The following TWF1 variants were observed in gnomAD, a reference collection of about 807,000 sequenced individuals.
The protein encoded by TWF1 is twinfilin actin binding protein 1.
TWF1 carries 14 observed loss-of-function variants against 47.9 expected under a neutral mutation model. The ratio of observed to expected loss-of-function variants is 0.29; its 90% CI spans 0.19 to 0.46. TWF1 has a LOEUF of 0.46. Ranked by LOEUF, TWF1 falls within the 20% of genes least tolerant of loss-of-function variation. The pLI is 1.00. For missense variants in TWF1, 281 were observed against 409.3 expected (o/e 0.69, Z 2.70); for synonymous variants, 96 against 139.2 (o/e 0.69, Z 2.18).
At chr12:43,801,693 AG>A (rs1942664178) in intron 3 of TWF1, among the ~76,000 whole-genome samples, 1 of 152,146 alleles carries the variant, frequency 6.6e-6, no homozygotes, top group African/African-American at 2.4e-5. Flanking sequence ...AGGGCCAGGC[AG>A]TTTCCTTCAT....
At chr12:43,797,184 T>C (rs888134598) in intron 7 of TWF1, 87 bp from the exon 8 acceptor site, 3 of 1,481,268 alleles carry the variant, frequency 2.0e-6, no homozygotes, top group African/African-American at 2.8e-5. Context: ...TAAAAACAAG[T>C]ACAGAAACTT....
chr12:43,804,314 T>A lies in TWF1; in HGVS notation c.103+181A>T, dbSNP rs113416773. The stretch of plus-strand genomic sequence containing the variant: ...TTCTGTTTCCCTGATAGTCACATAA[T>A]TCAGAATGAAATTAGGGGCCCATAG... On this transcript the variant is annotated intron_variant, in intron 2 of 8. Transcript: ENST00000395510. The A allele has an allele frequency of 1.4e-4, 80 of 591,100 alleles. 1 individual carries two copies. In the African/African-American group the frequency reaches 1.4e-3, roughly 10 times the overall value. 36.6% of individuals were successfully genotyped at this position (591,100 alleles called of 1,614,324 possible).
chr12:43,796,015 TAC>T (rs1057189272), intron 8 of TWF1, among the ~76,000 whole-genome samples: 10 of 152,184 alleles, frequency 6.6e-5, no homozygotes, highest in Admixed American at 6.5e-5. Flanking sequence ...AAGCCACCAC[TAC>T]ATTCTCAAGT....
rs1417371123 is a variant in TWF1 at position 43,802,984 on chromosome 12, A to G, written c.104-520T>C. Among the ~76,000 whole-genome samples, 5 of 152,174 alleles carry G rather than the reference A, an allele frequency of 3.3e-5. No individual in the cohort carries two copies. The East Asian group carries it at 7.7e-4, about 23-fold the overall frequency. The stretch of plus-strand genomic sequence containing the variant: ...GTATAGCCACTTTGAAATGGTATTC[A>G]GCAGAATCAAGTAAAACTGTTAATC... On this transcript the variant is annotated intron_variant, in intron 2 of 8. Coordinates refer to ENST00000395510, the MANE Select transcript of TWF1 (RefSeq NM_002822.5).
At position 43,797,163 on chromosome 12, in the gene TWF1, T is replaced by C. The variant is rs112536702; in HGVS notation, c.761-66A>G. ...TACATAAACTTCATAAAACTACATA[T>C]ATAAACTTCATAAAAACAAGTACAG... On this transcript the variant is annotated intron_variant, in intron 7 of 8. Coordinates refer to ENST00000395510, the MANE Select transcript of TWF1 (RefSeq NM_002822.5). 2.9e-5 allele frequency: 43 copies of C among 1,499,870 alleles called. No individual in the cohort carries two copies. The South Asian group carries it at 3.9e-4, about 14-fold the overall frequency. The allele number at this position is 1,499,870 out of a possible 1,614,324, so 92.9% of individuals were successfully genotyped here. A position where few individuals can be genotyped will look rare whatever the true frequency, so the allele number is the denominator to read the frequency against.
At chr12:43,796,166 A>C (rs1427687158) in intron 8 of TWF1, among the ~76,000 whole-genome samples, 2 of 152,172 alleles carry the variant, frequency 1.3e-5, no homozygotes, top group African/African-American at 2.4e-5. Context: ...ATTGTTTTAC[A>C]TTTTTTAAGG....
chr12:43,806,198 C>T lies in TWF1; in HGVS notation c.25+23G>A, dbSNP rs576286452. The T allele has an allele frequency of 8.1e-5, 124 of 1,539,404 alleles. No individual in the cohort carries two copies. In the African/African-American group the frequency reaches 1.5e-3, roughly 19 times the overall value. Reference sequence around the variant, plus strand: ...GGCTCTCCCGGAAGCCCCTTCCCTGCGAGTCGCGCCGGGCGCTGTTACCTT... The same window carrying T: ...GGCTCTCCCGGAAGCCCCTTCCCTGTGAGTCGCGCCGGGCGCTGTTACCTT... On this transcript the variant is annotated intron_variant, in intron 1 of 8. Transcript: ENST00000395510.
Position 43,802,361 on chromosome 12 carries a change from T to G in TWF1, c.207A>C (p.Ile69=), listed in dbSNP as rs1942676502. ...PLLEDKQPCY[I]LFRLDSQNAQ... is the part of the protein sequence containing the mutation. ...CATTCTGAGAATCTAACCTGAATAATATATAGCATGGTTGTTTGTCCTCCA... is the reference window on the plus strand; with the variant it reads ...CATTCTGAGAATCTAACCTGAATAAGATATAGCATGGTTGTTTGTCCTCCA... Residue 69 remains isoleucine, a synonymous_variant, in exon 3 of 9, where the codon ATA becomes ATC. Transcript: ENST00000395510. 1 of 1,602,798 alleles carries G rather than the reference T, an allele frequency of 6.2e-7. No individual in the cohort carries two copies. Among genetic ancestry groups the G allele is most frequent in the Non-Finnish European group, 8.5e-7 (1 of 1,173,698 alleles).
At position 43,802,320 on chromosome 12, in the gene TWF1, C is replaced by T; in HGVS notation, c.248G>A (p.Trp83Ter). 1 of 1,568,868 alleles carries T rather than the reference C, an allele frequency of 6.4e-7. No homozygotes were observed. Among genetic ancestry groups the T allele is most frequent in the Non-Finnish European group, 8.6e-7 (1 of 1,162,126 alleles). ...ATCTGGAGACCATGCAATGAATATC[C>T]ATTCATATCCCTGGGCATTCTGAGA... ...LDSQNAQGYEWIFIAWSPDHS... is the reference protein window; with the variant it reads ...LDSQNAQGYE Residue 83 changes from tryptophan to a stop codon, truncating the protein, a stop_gained, in exon 3 of 9, where the codon TGG becomes TAG. Transcript: ENST00000395510. LOFTEE classifies it high-confidence loss of function.
At chr12:43,805,353 G>A (rs922241534) in intron 1 of TWF1, among the ~76,000 whole-genome samples, 3 of 152,152 alleles carry the variant, frequency 2.0e-5, no homozygotes, top group African/African-American at 7.2e-5. Context: ...GTGCGTGCAG[G>A]GGGATGTGTG....
Position 43,804,662 on chromosome 12 carries a change from A to T in TWF1, c.26-90T>A, listed in dbSNP as rs945194602. On this transcript the variant is annotated intron_variant, in intron 1 of 8. Coordinates refer to ENST00000395510, the MANE Select transcript of TWF1 (RefSeq NM_002822.5). ...TGGAAAAGTTAATTAGAATACAAAG[A>T]AAAAATCTGGAGCATGTAGCATCCT... The T allele has an allele frequency of 3.5e-6, 3 of 859,972 alleles. No homozygotes were observed. The Admixed American group carries it at 7.8e-5, about 22-fold the overall frequency. 53.3% of individuals were successfully genotyped at this position (859,972 alleles called of 1,614,324 possible). A position where few individuals can be genotyped will look rare whatever the true frequency, so the allele number is the denominator to read the frequency against.
In TWF1 at chr12:43,797,015, T is replaced by C. The variant is rs1431086062; in HGVS notation, c.843A>G (p.Glu281=). ...LYSSCKSRLL[E]IVERQLQMDV... is the part of the protein sequence containing the mutation. The stretch of plus-strand genomic sequence containing the variant: ...CCATTTGTAGTTGTCTTTCTACAAT[T>C]TCTAGCAGACGGCTCTTGCAGCTAG... Residue 281 remains glutamate, a synonymous_variant, in exon 8 of 9, where the codon GAA becomes GAG. Transcript: ENST00000395510. 7.4e-6 allele frequency: 12 copies of C among 1,611,434 alleles called. No homozygotes were observed. The highest frequency in any genetic ancestry group is 1.0e-5 in the Non-Finnish European group (12 of 1,179,386).
Position 43,798,672 on chromosome 12 carries a change from AAAT to A in TWF1, c.483+723_483+725del, listed in dbSNP as rs889136917. The A allele has an allele frequency of 5.2e-6, 7 of 1,339,240 alleles. No homozygotes were observed. In the Admixed American group the frequency reaches 7.9e-5, roughly 15 times the overall value. 83.0% of individuals were successfully genotyped at this position (1,339,240 alleles called of 1,614,324 possible). A position where few individuals can be genotyped will look rare whatever the true frequency, so the allele number is the denominator to read the frequency against. ...AGCCCTACTCAAATAATATGAATTAAAATAATATGATAGATCCTTGCTACCAGT... is the reference window on the plus strand; with the variant it reads ...AGCCCTACTCAAATAATATGAATTAAAATATGATAGATCCTTGCTACCAGT... On this transcript the variant is annotated intron_variant, in intron 5 of 8. Transcript: ENST00000395510.
intron 8 of TWF1, among the ~76,000 whole-genome samples, 172 bp from the exon 9 acceptor site, chr12:43,795,927 T>C (rs756182878): frequency 1.4e-4 from 22 of 152,218 alleles, no homozygotes; most frequent in Non-Finnish European, 2.8e-4. Context: ...AATGAGTTAC[T>C]TGAATATATA....
intron 3 of TWF1, among the ~76,000 whole-genome samples, chr12:43,801,022 G>A (rs1039169580): frequency 6.6e-6 from 1 of 152,030 alleles, no homozygotes; most frequent in African/African-American, 2.4e-5. Context: ...AAAGTTTAGG[G>A]ATTACAGGCA....
chr12:43,805,279 T>C (rs1305982908), intron 1 of TWF1, among the ~76,000 whole-genome samples: 1 of 152,262 alleles, frequency 6.6e-6, no homozygotes, highest in African/African-American at 2.4e-5. Flanking sequence ...TACATATTTA[T>C]ATATCGAAAT....
intron 1 of TWF1, 63 bp downstream of exon 1, chr12:43,806,158 C>T (rs113983614): frequency 6.5e-7 from 1 of 1,534,324 alleles, no homozygotes; most frequent in Non-Finnish European, 8.7e-7. Flanking sequence ...GTCCTGCAGC[C>T]CTCCCGGCTC....
rs560109504 is a variant in TWF1, at chr12:43,797,838, G to A, written c.484-5C>T. On this transcript the variant is annotated splice_region_variant and splice_polypyrimidine_tract_variant and intron_variant, in intron 5 of 8. Transcript: ENST00000395510. ...CACACCCACGTCAGTCTGTACCTAAGTATGACAGATTTAATTTACAAGTTT... is the reference window on the plus strand; with the variant it reads ...CACACCCACGTCAGTCTGTACCTAAATATGACAGATTTAATTTACAAGTTT... The A allele has an allele frequency of 6.2e-7, 1 of 1,608,726 alleles. No homozygotes were observed. The highest frequency in any genetic ancestry group is 1.1e-5 in the South Asian group (1 of 90,092).
At position 43,802,447 on chromosome 12, in the gene TWF1, A is replaced by T; in HGVS notation, c.121T>A (p.Ser41Thr). 1 of 1,601,194 alleles carries T rather than the reference A, an allele frequency of 6.2e-7. No individual in the cohort carries two copies. ...SIENEQLVIG[S>T]YSQPSDSWDK... ...CAGGAATCTGAAGGCTGACTATATG[A>T]TCCAATCACAAGTTGCTCTATGAAA... The change falls in exon 3 of 9, where the codon TCA (serine) becomes ACA (threonine). Residue 41 changes from serine to threonine, a missense_variant. Physicochemically the swap from Ser to Thr is moderately conservative, Grantham distance 58. Coordinates refer to ENST00000395510, the MANE Select transcript of TWF1 (RefSeq NM_002822.5).
Sources: allele counts gnomAD v4.1 joint callset (sites outside exome capture counted in the v4.1 genomes callset), GRCh38; gene constraint gnomAD v4.1.1; transcripts MANE v1.5; gene names NCBI Gene and HGNC (gene_info 2026-07-23, HGNC 2026-07-21).